Variants in CSDC2 observed in about 807,000 individuals in gnomAD.
CSDC2 encodes cold shock domain containing C2, also known as cold shock domain-containing protein C2.
CSDC2 carries 8 observed loss-of-function variants against 15.8 expected under a neutral mutation model. That is an observed-to-expected ratio of 0.51 (90% CI 0.30 to 0.92). The LOEUF (loss-of-function observed/expected upper bound fraction) is 0.92, where lower values mean the gene tolerates loss of function less well. CSDC2 is among the 40% of genes least tolerant of loss of function. The pLI, the probability that CSDC2 is intolerant of heterozygous loss-of-function variation, is 0.07. For synonymous variants in CSDC2, 96 were observed against 92.3 expected, an observed-to-expected ratio of 1.04 and a Z score of -0.23; for missense variants, 195 against 213.3, an observed-to-expected ratio of 0.91 and a Z score of 0.53.
intron 1 of CSDC2, among the ~76,000 whole-genome samples, chr22:41,570,031 TGGCCTCCCAAAGTGCTGG>T (rs1193465932): frequency 6.6e-6 from 1 of 152,028 alleles, no homozygotes; most frequent in African/African-American, 2.4e-5. Flanking sequence ...CTGCCCACCT[TGGCCTCCCAAAGTGCTGG>T]GATTACAGGT....
intron 1 of CSDC2, among the ~76,000 whole-genome samples, chr22:41,570,993 A>C (rs1011653550): frequency 9.9e-5 from 15 of 151,702 alleles, no homozygotes; most frequent in South Asian, 2.1e-4. Flanking sequence ...AAAAAAAAAA[A>C]AAAAAACAAA....
At chr22:41,573,820 G>A (rs1277853538) in intron 3 of CSDC2, 43 bp downstream of exon 3, 7 of 1,576,728 alleles carry the variant, frequency 4.4e-6, no homozygotes, top group Admixed American at 3.6e-5. Context: ...CTGCCCTAGT[G>A]TCCCCAATGG....
At chr22:41,568,989 C>T (rs1403389418) in intron 1 of CSDC2, among the ~76,000 whole-genome samples, 1 of 152,260 alleles carries the variant, frequency 6.6e-6, no homozygotes, top group Non-Finnish European at 1.5e-5. Context: ...CTGCATCTCC[C>T]CCTCTCCATC....
At chr22:41,570,296 G>A (rs1246270644) in intron 1 of CSDC2, among the ~76,000 whole-genome samples, 1 of 152,052 alleles carries the variant, frequency 6.6e-6, no homozygotes, top group Non-Finnish European at 1.5e-5. Context: ...GAGGAGGGAG[G>A]ATACTACTCC....
intron 2 of CSDC2, among the ~76,000 whole-genome samples, chr22:41,572,451 TCCATCCATCCACCCAC>T (rs1348304461): frequency 7.1e-6 from 1 of 140,868 alleles, no homozygotes; most frequent in Non-Finnish European, 1.5e-5. Context: ...CATCCATCCA[TCCATCCATCCACCCAC>T]CCATCCATCC....
At position 41,575,807 on chromosome 22, in the gene CSDC2, T is replaced by G. The variant is rs2145603882; in HGVS notation, c.*912T>G. On this transcript the variant is annotated 3_prime_UTR_variant, in exon 4 of 4. Transcript: ENST00000306149. ...GAGGAGGGCCCCCAGCCTGGGAGAC[T>G]GGCCCTGCGGCCTCCACGTCAAACT... 3 of 152,392 alleles carry G rather than the reference T, an allele frequency of 2.0e-5. 1 individual carries two copies. The South Asian group carries it at 6.2e-4, about 32-fold the overall frequency. The allele number at this position is 152,392 out of a possible 1,614,324, so 9.4% of individuals were successfully genotyped here.
chr22:41,564,767 G>T (rs1259778174), intron 1 of CSDC2, among the ~76,000 whole-genome samples: 1 of 152,290 alleles, frequency 6.6e-6, no homozygotes, highest in Admixed American at 6.5e-5. Flanking sequence ...GAAGAGAAAG[G>T]TGAGGTCCAG....
In CSDC2 at chr22:41,561,045, GACACAC is replaced by G. The variant is rs61037464; in HGVS notation, c.-230_-225del. 71 of 132,072 alleles carry G rather than the reference GACACAC, an allele frequency of 5.4e-4. No individual in the cohort carries two copies. Among genetic ancestry groups the G allele is most frequent in the African/African-American group, 1.4e-3 (50 of 35,206 alleles). The allele number at this position is 132,072 out of a possible 1,614,324, so 8.2% of individuals were successfully genotyped here. ...GGTACCGCCCGCGCGAGCACACACA[GACACAC>G]ACACACACACACACACACACACACA... On this transcript the variant is annotated 5_prime_UTR_variant, in exon 1 of 4. Coordinates refer to ENST00000306149, the MANE Select transcript of CSDC2 (RefSeq NM_014460.4).
At chr22:41,566,966 G>C (rs567690200) in intron 1 of CSDC2, among the ~76,000 whole-genome samples, 1 of 151,708 alleles carries the variant, frequency 6.6e-6, no homozygotes, top group South Asian at 2.1e-4. Context: ...AAACTGGGTT[G>C]CAGTGGAACA....
chr22:41,564,103 G>A (rs375899590), intron 1 of CSDC2, among the ~76,000 whole-genome samples: 11 of 138,812 alleles, frequency 7.9e-5, no homozygotes, highest in African/African-American at 3.1e-4. Context: ...AAAAAAAAAA[G>A]AAGAAGAAGA....
Position 41,575,027 on chromosome 22 carries a change from C to A in CSDC2, c.*132C>A. On this transcript the variant is annotated 3_prime_UTR_variant, in exon 4 of 4. Transcript: ENST00000306149. ...GGCCTCAGTGTGCACGTCTGTCTGT[C>A]CGTCTGTGCTTGTGGCTATGAGCGT... 9.2e-7 allele frequency: 1 copy of A among 1,084,810 alleles called. No homozygotes were observed. Among genetic ancestry groups the A allele is most frequent in the Non-Finnish European group, 1.3e-6 (1 of 765,706 alleles). The allele number at this position is 1,084,810 out of a possible 1,614,324, so 67.2% of individuals were successfully genotyped here. A position where few individuals can be genotyped will look rare whatever the true frequency, so the allele number is the denominator to read the frequency against.
intron 1 of CSDC2, among the ~76,000 whole-genome samples, chr22:41,568,384 A>G (rs1428401608): frequency 6.6e-6 from 1 of 152,074 alleles, no homozygotes; most frequent in Non-Finnish European, 1.5e-5. Context: ...CCTGGGTTCA[A>G]GCAATCCTGC....
At chr22:41,565,217 T>G (rs2067107740) in intron 1 of CSDC2, among the ~76,000 whole-genome samples, 1 of 150,870 alleles carries the variant, frequency 6.6e-6, no homozygotes. Flanking sequence ...TTTGGGAGGC[T>G]GAGGCAGGTG....
chr22:41,573,362 A>G (rs2067157855), intron 2 of CSDC2, among the ~76,000 whole-genome samples: 1 of 151,960 alleles, frequency 6.6e-6, no homozygotes, highest in Non-Finnish European at 1.5e-5. Flanking sequence ...CTCAAAAAAA[A>G]AAAAAAATTT....
intron 1 of CSDC2, among the ~76,000 whole-genome samples, chr22:41,562,307 T>A (rs539389204): frequency 6.1e-4 from 92 of 150,212 alleles, no homozygotes; most frequent in African/African-American, 2.1e-3. Context: ...GAATGTTTCC[T>A]CCTCCCAGCT....
At chr22:41,572,821 G>T (rs1256558961) in intron 2 of CSDC2, among the ~76,000 whole-genome samples, 1 of 152,190 alleles carries the variant, frequency 6.6e-6, no homozygotes, top group Non-Finnish European at 1.5e-5. Flanking sequence ...GGGCCTTTGG[G>T]GTAGGTCACC....
At chr22:41,562,301 G>C (rs2067090622) in intron 1 of CSDC2, among the ~76,000 whole-genome samples, 1 of 150,082 alleles carries the variant, frequency 6.7e-6, no homozygotes, top group African/African-American at 2.5e-5. Context: ...AATTCTGAAT[G>C]TTTCCTCCTC....
intron 1 of CSDC2, among the ~76,000 whole-genome samples, chr22:41,561,590 C>A (rs1300756523): frequency 1.3e-5 from 2 of 152,216 alleles, no homozygotes; most frequent in East Asian, 3.8e-4. Flanking sequence ...CCTTGCTGGT[C>A]CTTCCCCTGG....
In CSDC2 at chr22:41,574,918, T is replaced by A; in HGVS notation, c.*23T>A. The stretch of plus-strand genomic sequence containing the variant: ...TAGGCTGAGTGGTTCACAGGCCAGC[T>A]GGCCGGGGGTTGGGGAGCCACACAG... On this transcript the variant is annotated 3_prime_UTR_variant, in exon 4 of 4. Coordinates refer to ENST00000306149, the MANE Select transcript of CSDC2 (RefSeq NM_014460.4). 1 of 1,563,074 alleles carries A rather than the reference T, an allele frequency of 6.4e-7. No individual in the cohort carries two copies. Among genetic ancestry groups the A allele is most frequent in the Non-Finnish European group, 8.7e-7 (1 of 1,154,198 alleles).
Sources: allele counts gnomAD v4.1 joint callset (sites outside exome capture counted in the v4.1 genomes callset), GRCh38; gene constraint gnomAD v4.1.1; transcripts MANE v1.5; gene names NCBI Gene and HGNC (gene_info 2026-07-23, HGNC 2026-07-21).